The following DIS3L2 variants were observed in gnomAD, a reference collection of about 807,000 sequenced individuals.
The protein encoded by DIS3L2 is DIS3-like exonuclease 2.
DIS3L2 carries 34 observed loss-of-function variants against 97.5 expected under a neutral mutation model. The observed-to-expected ratio is 0.35, with a 90% CI of 0.27 to 0.46. The LOEUF is 0.46. Among genes scored for constraint, DIS3L2 ranks in the 20% least tolerant of loss-of-function variants. DIS3L2 has a pLI of 1.00. For missense variants in DIS3L2, 1,038 were observed against 1,146.0 expected (o/e 0.91, Z 1.36); for synonymous variants, 435 against 445.2 (o/e 0.98, Z 0.29).
intron 12 of DIS3L2, among the ~76,000 whole-genome samples, chr2:232,262,351 A>G (rs1446610017): frequency 1.3e-5 from 2 of 152,194 alleles, no homozygotes; most frequent in Non-Finnish European, 2.9e-5. Flanking sequence ...AAAGTAATAC[A>G]TATTTATTAT....
intron 6 of DIS3L2, among the ~76,000 whole-genome samples, chr2:232,109,296 A>C (rs2106330659): frequency 6.6e-6 from 1 of 152,168 alleles, no homozygotes; most frequent in Admixed American, 6.5e-5. Context: ...AAATACAAAA[A>C]TTAGCTCGGT....
chr2:231,998,237 G>T (rs1693781326), intron 1 of DIS3L2, among the ~76,000 whole-genome samples: 1 of 152,164 alleles, frequency 6.6e-6, no homozygotes, highest in African/African-American at 2.4e-5. Context: ...TCTGTTGAGA[G>T]CCTTCTTGCT....
At chr2:232,129,159 G>A (rs1321020607) in intron 6 of DIS3L2, among the ~76,000 whole-genome samples, 1 of 152,190 alleles carries the variant, frequency 6.6e-6, no homozygotes, top group Non-Finnish European at 1.5e-5. Flanking sequence ...TGTTTGCCCA[G>A]GATTTAGGCT....
chr2:232,120,195 C>A (rs991120615), intron 6 of DIS3L2, among the ~76,000 whole-genome samples: 1 of 152,270 alleles, frequency 6.6e-6, no homozygotes, highest in South Asian at 2.1e-4. Flanking sequence ...TTGACTCTTG[C>A]AGTATCTGTC....
intron 10 of DIS3L2, among the ~76,000 whole-genome samples, chr2:232,238,164 G>A (rs762129819): frequency 5.3e-5 from 8 of 152,150 alleles, no homozygotes; most frequent in East Asian, 1.9e-4. Context: ...GGCTTCATCT[G>A]TAGGATTTGG....
At chr2:232,261,081 C>T (rs555933476) in intron 12 of DIS3L2, among the ~76,000 whole-genome samples, 67 of 152,202 alleles carry the variant, frequency 4.4e-4, no homozygotes, top group Non-Finnish European at 8.4e-4. Context: ...TTTCCATTCT[C>T]CTCAGGCCCT....
intron 9 of DIS3L2, among the ~76,000 whole-genome samples, chr2:232,200,931 C>G (rs1278371227): frequency 6.6e-6 from 1 of 151,942 alleles, no homozygotes; most frequent in Non-Finnish European, 1.5e-5. Context: ...TTACAGGTGC[C>G]GACCACCACG....
At chr2:232,258,598 C>CAAAAAA (rs35525137) in intron 12 of DIS3L2, among the ~76,000 whole-genome samples, 3 of 74,638 alleles carry the variant, frequency 4.0e-5, no homozygotes, top group Admixed American at 1.4e-4. Flanking sequence ...GACTCTGTCT[C>CAAAAAA]AAAAAAAAAA....
At chr2:232,201,381 C>T (rs1297747789) in intron 9 of DIS3L2, among the ~76,000 whole-genome samples, 3 of 152,198 alleles carry the variant, frequency 2.0e-5, no homozygotes, top group Non-Finnish European at 4.4e-5. Flanking sequence ...TTCTGTCTAT[C>T]CCTTTCTTCC....
intron 14 of DIS3L2, 28 bp from the exon 15 acceptor site, chr2:232,329,785 T>TCCCGGGGCCCC: frequency 1.1e-5 from 11 of 967,124 alleles, no homozygotes; most frequent in Non-Finnish European, 1.3e-5. Flanking sequence ...ACCCCAGCGG[T>TCCCGGGGCCCC]CCCTCCCATC....
At chr2:232,330,966 G>T (rs1231580255) in intron 16 of DIS3L2, among the ~76,000 whole-genome samples, 190 bp downstream of exon 16, 1 of 152,236 alleles carries the variant, frequency 6.6e-6, no homozygotes, top group East Asian at 1.9e-4. Flanking sequence ...CTAGGAGGGG[G>T]CACCCTGAGC....
intron 14 of DIS3L2, 85 bp from the exon 15 acceptor site, chr2:232,329,728 G>C: frequency 7.5e-7 from 1 of 1,337,840 alleles, no homozygotes; most frequent in Non-Finnish European, 1.0e-6. Context: ...GATTGATAGA[G>C]AGCCAGGCCG....
chr2:232,335,851 A>G lies in DIS3L2; in HGVS notation c.2473A>G (p.Met825Val). Residue 825 changes from methionine to valine, a missense_variant, in exon 20 of 21, where the codon ATG (methionine) becomes GTG (valine). Physicochemically the swap from Met to Val is conservative, Grantham distance 21. This residue lies in a region of DIS3L2 where 221 missense variants were observed against 246.9 expected (regional missense o/e 0.90). Transcript: ENST00000325385. ...ELTLVWEPED[M>V]EQEPAQQVIT... The stretch of plus-strand genomic sequence containing the variant: ...CACGCTGGTCTGGGAGCCTGAGGAC[A>G]TGGAGCAGGAGCCAGCACAGCAGGT... 5 of 1,550,754 alleles carry G rather than the reference A, an allele frequency of 3.2e-6. No homozygotes were observed. Among genetic ancestry groups the G allele is most frequent in the Non-Finnish European group, 4.4e-6 (5 of 1,147,026 alleles).
intron 13 of DIS3L2, among the ~76,000 whole-genome samples, chr2:232,287,388 G>C (rs866358655): frequency 0.1 from 1,099 of 10,990 alleles, 6 homozygotes; most frequent in South Asian, 0.13. Context: ...TTCCCCCCGC[G>C]CCCCCCCCCC....
chr2:232,212,946 G>A (rs958140212), intron 10 of DIS3L2, among the ~76,000 whole-genome samples: 11 of 152,142 alleles, frequency 7.2e-5, no homozygotes, highest in African/African-American at 2.7e-4. Flanking sequence ...GTTAGAAATG[G>A]GAATCAGGAG....
chr2:232,099,330 C>T (rs1471385276), intron 6 of DIS3L2, among the ~76,000 whole-genome samples: 1 of 152,046 alleles, frequency 6.6e-6, no homozygotes, highest in African/African-American at 2.4e-5. Context: ...ATTCTCCTGC[C>T]TCAGCCTCCC....
At chr2:232,290,735 T>G (rs1278209754) in intron 13 of DIS3L2, among the ~76,000 whole-genome samples, 1 of 152,188 alleles carries the variant, frequency 6.6e-6, no homozygotes, top group African/African-American at 2.4e-5. Flanking sequence ...GAGAAGTGGC[T>G]TTAAGTGAAA....
rs1488275564 is a variant in DIS3L2, at chr2:232,238,606, G to A, written c.1278G>A (p.Val426=). 1.2e-6 allele frequency: 2 copies of A among 1,614,214 alleles called. No individual in the cohort carries two copies. The highest frequency in any genetic ancestry group is 2.7e-5 in the African/African-American group (2 of 75,076). ...FVPEGSDLDK[V]AAERATSVYL... ...CGGAGGGATCTGATCTGGATAAAGT[G>A]GCTGCCGAGAGGGCTACAAGCGTCT... is the stretch of plus-strand genomic sequence containing the variant. The change falls in exon 11 of 21, where the codon GTG becomes GTA. Residue 426 remains valine, a synonymous_variant. Transcript: ENST00000325385.
At chr2:232,015,774 G>A in intron 3 of DIS3L2, 103 bp downstream of exon 3, 1 of 1,358,554 alleles carries the variant, frequency 7.4e-7, no homozygotes, top group Non-Finnish European at 1.0e-6. Flanking sequence ...GAGAGACGAT[G>A]ATGTAACAGG....
Sources: allele counts gnomAD v4.1 joint callset (sites outside exome capture counted in the v4.1 genomes callset), GRCh38; gene constraint gnomAD v4.1.1; regional missense constraint gnomAD v4.1.1; transcripts MANE v1.5; gene names NCBI Gene and HGNC (gene_info 2026-07-23, HGNC 2026-07-21).